LOC128462377: variants seen among roughly 807,000 people sequenced by gnomAD.
the LOC128462377 span, among the ~76,000 whole-genome samples, chr16:89,356,491 G>A: frequency 6.6e-6 from 1 of 151,992 alleles, no homozygotes; most frequent in Non-Finnish European, 1.5e-5. Flanking sequence ...ATGTAACAGG[G>A]CCAGGCGCGG....
chr16:89,358,064 T>G, the LOC128462377 span, among the ~76,000 whole-genome samples: 2 of 152,208 alleles, frequency 1.3e-5, no homozygotes, highest in African/African-American at 4.8e-5. Flanking sequence ...ATGGAGGAAG[T>G]GAGTGAGGCA....
the LOC128462377 span, chr16:89,339,858 T>C: frequency 6.6e-6 from 1 of 152,202 alleles, no homozygotes; most frequent in Admixed American, 6.5e-5. Context: ...CTCTCGGCGC[T>C]TTGATACTCA....
the LOC128462377 span, among the ~76,000 whole-genome samples, chr16:89,381,331 C>CAAAAAAAAAAAAAAAAA: frequency 5.2e-5 from 4 of 76,366 alleles, no homozygotes; most frequent in African/African-American, 2.3e-4. Flanking sequence ...GACTCTGCTG[C>CAAAAAAAAAAAAAAAAA]AAAAAAAAAA....
At chr16:89,329,004 C>T in the LOC128462377 span, 3 of 141,316 alleles carry the variant, frequency 2.1e-5, no homozygotes, top group East Asian at 2.2e-4. Flanking sequence ...CCCAGGCGCA[C>T]GGGCGAATCT....
chr16:89,324,645 C>T, the LOC128462377 span: 39 of 384,874 alleles, frequency 1.0e-4, no homozygotes, highest in Middle Eastern at 4.9e-4. Flanking sequence ...AGTCTTCCAG[C>T]CTCCATCTTT....
At chr16:89,331,884 A>T in the LOC128462377 span, among the ~76,000 whole-genome samples, 1 of 151,378 alleles carries the variant, frequency 6.6e-6, no homozygotes, top group Admixed American at 6.6e-5. Context: ...GTTCCGGGTT[A>T]ACGGGCTGGG....
chr16:89,339,794 C>T, the LOC128462377 span: 2 of 152,124 alleles, frequency 1.3e-5, no homozygotes, highest in Admixed American at 1.3e-4. Flanking sequence ...TATATAAGCC[C>T]CACCCTGCTG....
At chr16:89,324,133 C>G in the LOC128462377 span, 27 of 871,554 alleles carry the variant, frequency 3.1e-5, 1 homozygote, top group South Asian at 4.8e-4. Flanking sequence ...GCACAACGCT[C>G]TCTACTGCAG....
At chr16:89,322,845 T>TTTTG in the LOC128462377 span, among the ~76,000 whole-genome samples, 694 of 152,298 alleles carry the variant, frequency 4.6e-3, 6 homozygotes, top group African/African-American at 0.015. Context: ...TGAAGAGTTC[T>TTTTG]TTTGTTTGTT....
chr16:89,324,951 C>T, the LOC128462377 span: 3 of 179,952 alleles, frequency 1.7e-5, no homozygotes, highest in Non-Finnish European at 3.5e-5. Flanking sequence ...CTCTAGAGAA[C>T]CCTGACTCGT....
the LOC128462377 span, among the ~76,000 whole-genome samples, chr16:89,409,677 T>C: frequency 2.0e-5 from 3 of 152,084 alleles, no homozygotes; most frequent in African/African-American, 7.2e-5. Context: ...CGAAAACTGG[T>C]TGTCGTGTTA....
At chr16:89,333,341 G>A in the LOC128462377 span, among the ~76,000 whole-genome samples, 5 of 152,222 alleles carry the variant, frequency 3.3e-5, no homozygotes, top group African/African-American at 1.2e-4. Flanking sequence ...GTGGCCGTTT[G>A]TTACAGCTGA....
At chr16:89,395,477 T>A in the LOC128462377 span, among the ~76,000 whole-genome samples, 2 of 152,094 alleles carry the variant, frequency 1.3e-5, no homozygotes, top group Non-Finnish European at 2.9e-5. Context: ...GCTGCTTCTG[T>A]GAGCATGCGC....
the LOC128462377 span, among the ~76,000 whole-genome samples, chr16:89,375,435 C>T: frequency 4.0e-5 from 6 of 150,854 alleles, no homozygotes; most frequent in Admixed American, 4.0e-4. Flanking sequence ...GCTGCGCTCC[C>T]GCCCAGGCAA....
chr16:89,370,039 C>G, the LOC128462377 span, among the ~76,000 whole-genome samples: 1 of 152,346 alleles, frequency 6.6e-6, no homozygotes, highest in African/African-American at 2.4e-5. Flanking sequence ...CATCCAGTAA[C>G]GAGAACGCAA....
the LOC128462377 span, among the ~76,000 whole-genome samples, chr16:89,385,833 G>A: frequency 6.6e-6 from 1 of 152,256 alleles, no homozygotes; most frequent in Admixed American, 6.5e-5. Flanking sequence ...AGAGGCCGGG[G>A]ATTAGGCCAG....
the LOC128462377 span, chr16:89,324,273 G>A: frequency 8.0e-7 from 1 of 1,243,708 alleles, no homozygotes; most frequent in East Asian, 5.7e-5. Flanking sequence ...ACATACAGGA[G>A]CCCCGTGCTC....
the LOC128462377 span, among the ~76,000 whole-genome samples, chr16:89,375,753 G>A: frequency 7.7e-6 from 1 of 129,216 alleles, no homozygotes; most frequent in South Asian, 2.7e-4. Flanking sequence ...ACTGCACCCA[G>A]CCGACTCCGT....
the LOC128462377 span, among the ~76,000 whole-genome samples, chr16:89,367,889 G>A: frequency 1.3e-5 from 2 of 152,048 alleles, no homozygotes; most frequent in African/African-American, 4.8e-5. Flanking sequence ...TTGTGGTACC[G>A]GCTACTCCAG....
Sources: gnomAD v4.1 joint callset for allele counts (sites outside exome capture counted in the v4.1 genomes callset) on GRCh38, gnomAD v4.1.1 for gene constraint, MANE v1.5 for transcripts.